ERAP1: variants seen among roughly 807,000 people sequenced by gnomAD.
ERAP1 encodes the protein endoplasmic reticulum aminopeptidase 1.
ERAP1 carries 86 observed loss-of-function variants against 103.7 expected under a neutral mutation model. The observed-to-expected ratio is 0.83, with a 90% CI of 0.70 to 0.99. The LOEUF (loss-of-function observed/expected upper bound fraction) is 0.99. Among genes scored for constraint, ERAP1 ranks in the 50% least tolerant of loss-of-function variants. The probability of loss-of-function intolerance (pLI) is 0.00; values close to 1 mark genes in which losing one functional copy is unlikely to be tolerated. For missense variants in ERAP1, 1,009 were observed against 1,128.4 expected (o/e 0.89, Z 1.52); for synonymous variants, 398 against 402.4 (o/e 0.99, Z 0.13).
At chr5:96,903,854 AG>A in the ERAP1 span, among the ~76,000 whole-genome samples, 1 of 152,338 alleles carries the variant, frequency 6.6e-6, no homozygotes, top group African/African-American at 2.4e-5. Flanking sequence ...TGTGGGCCAC[AG>A]GATAGCTATA....
chr5:96,803,709 G>A lies in ERAP1; in HGVS notation c.218C>T (p.Thr73Met), dbSNP rs771845247. 1.7e-5 allele frequency: 27 copies of A among 1,614,096 alleles called. No homozygotes were observed. The highest frequency in any genetic ancestry group is 1.6e-4 in the South Asian group (15 of 91,090). Residue 73 changes from threonine (T) to methionine (M), a missense_variant, in exon 2 of 19, where the codon ACG becomes ATG. Physicochemically the swap from Thr to Met is moderately conservative, Grantham distance 81. Transcript: ENST00000443439. Reference sequence around the variant, plus strand: ...TTTCGTGGTTCCCCAGAAGGTCAGCGTGGTAAGGTTTGCATGGATCAAGAG... The same window carrying A: ...TTTCGTGGTTCCCCAGAAGGTCAGCATGGTAAGGTTTGCATGGATCAAGAG... ...YDLLIHANLTTLTFWGTTKVE... is the reference protein window; with the variant it reads ...YDLLIHANLTMLTFWGTTKVE...
At chr5:96,808,814 T>C (rs561492644), upstream of ERAP1, among the ~76,000 whole-genome samples, 125 of 152,154 alleles carry the variant, frequency 8.2e-4, no homozygotes, top group Non-Finnish European at 1.7e-3. Flanking sequence ...CACCAAATGC[T>C]ACAAGTTTAT....
the ERAP1 span, among the ~76,000 whole-genome samples, chr5:96,853,332 A>G: frequency 6.6e-6 from 1 of 152,206 alleles, no homozygotes; most frequent in Non-Finnish European, 1.5e-5. Context: ...GAAGAAGGAA[A>G]GAACAGGATC....
intron 1 of ERAP1, chr5:96,804,906 C>G (rs1480535409): frequency 2.0e-5 from 3 of 148,876 alleles, no homozygotes; most frequent in African/African-American, 7.5e-5. Context: ...GATTGCACCA[C>G]TGCACTCCAG....
chr5:96,865,289 C>G, the ERAP1 span, among the ~76,000 whole-genome samples: 1 of 152,160 alleles, frequency 6.6e-6, no homozygotes, highest in African/African-American at 2.4e-5. Flanking sequence ...AAGTACCCAA[C>G]CAGAACAGAA....
the ERAP1 span, chr5:96,889,293 C>G: frequency 6.8e-6 from 11 of 1,613,928 alleles, no homozygotes; most frequent in Non-Finnish European, 2.5e-6. Context: ...CTACTATCCA[C>G]TCTCCAAACT....
At chr5:96,802,647 A>G (rs78153771) in intron 2 of ERAP1, among the ~76,000 whole-genome samples, 3,516 of 152,288 alleles carry the variant, frequency 0.023, 60 homozygotes, top group Middle Eastern at 0.054. Context: ...ATCTCTAAAA[A>G]AGTTTTAACT....
the ERAP1 span, among the ~76,000 whole-genome samples, chr5:96,932,037 C>G: frequency 6.6e-6 from 1 of 152,282 alleles, no homozygotes; most frequent in African/African-American, 2.4e-5. Context: ...CTTTATTTGG[C>G]TGCGTTTTTT....
chr5:96,902,423 A>C, the ERAP1 span: 1 of 912,878 alleles, frequency 1.1e-6, no homozygotes, highest in Non-Finnish European at 1.8e-6. Flanking sequence ...ATTTGAAGGA[A>C]CGATACAATA....
chr5:96,873,965 G>C, the ERAP1 span, among the ~76,000 whole-genome samples: 1 of 152,014 alleles, frequency 6.6e-6, no homozygotes, highest in Non-Finnish European at 1.5e-5. Context: ...GAGTGGTACT[G>C]CCTTAGAGCC....
At chr5:96,863,424 T>C in the ERAP1 span, among the ~76,000 whole-genome samples, 1 of 152,172 alleles carries the variant, frequency 6.6e-6, no homozygotes, top group Non-Finnish European at 1.5e-5. Flanking sequence ...TCCAATTCAG[T>C]GGGTTTTTCT....
the ERAP1 span, among the ~76,000 whole-genome samples, chr5:96,906,595 A>G: frequency 6.6e-6 from 1 of 152,186 alleles, no homozygotes; most frequent in Non-Finnish European, 1.5e-5. Flanking sequence ...GCAAGAATTG[A>G]TATTTATTTT....
chr5:96,856,719 T>C, the ERAP1 span, among the ~76,000 whole-genome samples: 2 of 152,186 alleles, frequency 1.3e-5, no homozygotes, highest in Non-Finnish European at 2.9e-5. Context: ...CTCAGTTCAT[T>C]TTCCTTCTCC....
chr5:96,887,301 G>A, the ERAP1 span, among the ~76,000 whole-genome samples: 8 of 127,934 alleles, frequency 6.3e-5, no homozygotes, highest in South Asian at 8.2e-4. Context: ...TGTTGTTTCC[G>A]ACTTTTTTTT....
chr5:96,782,213 C>G (rs1052003882), intron 15 of ERAP1, among the ~76,000 whole-genome samples: 3 of 151,868 alleles, frequency 2.0e-5, no homozygotes, highest in East Asian at 3.9e-4. Flanking sequence ...GTTTCACCGT[C>G]TTAGCCAGGA....
chr5:96,892,507 G>C, the ERAP1 span: 3,872 of 1,592,774 alleles, frequency 2.4e-3, 10 homozygotes, highest in Non-Finnish European at 3.1e-3. Context: ...ACATTATATA[G>C]AACACGACCA....
chr5:96,909,892 C>T, the ERAP1 span: 40 of 890,318 alleles, frequency 4.5e-5, no homozygotes, highest in South Asian at 4.3e-4. Context: ...GCATTACAAA[C>T]CCTGTTTCAT....
At chr5:96,876,484 A>C in the ERAP1 span, 1 of 152,356 alleles carries the variant, frequency 6.6e-6, no homozygotes, top group Non-Finnish European at 1.5e-5. Context: ...GTGAAAGCAA[A>C]AGTAAATTCC....
the ERAP1 span, among the ~76,000 whole-genome samples, chr5:96,816,781 C>T: frequency 1.5e-4 from 23 of 152,322 alleles, no homozygotes; most frequent in African/African-American, 5.1e-4. Flanking sequence ...AGACACCTTA[C>T]TGGCAACCTG....
Sources: gnomAD v4.1 joint callset for allele counts (sites outside exome capture counted in the v4.1 genomes callset) on GRCh38, gnomAD v4.1.1 for gene constraint, MANE v1.5 for transcripts, NCBI Gene and HGNC (gene_info 2026-07-23, HGNC 2026-07-21) for gene names.